Variants in PCDH15 observed in about 807,000 individuals in gnomAD.
PCDH15 encodes the protein protocadherin related 15.
Under a neutral mutation model 178.5 loss-of-function variants are expected in PCDH15, and 129 were observed. The ratio of observed to expected loss-of-function variants is 0.72; its 90% CI spans 0.63 to 0.84. The LOEUF (loss-of-function observed/expected upper bound fraction) is 0.84, where lower values mean the gene tolerates loss of function less well. Among genes scored for constraint, PCDH15 ranks in the 40% least tolerant of loss-of-function variants. The probability of loss-of-function intolerance (pLI) is 0.00; values close to 1 mark genes in which losing one functional copy is unlikely to be tolerated. For missense variants in PCDH15, 2,230 were observed against 2,099.9 expected, an observed-to-expected ratio of 1.06 and a Z score of -1.21; for synonymous variants, 800 against 732.0, an observed-to-expected ratio of 1.09 and a Z score of -1.50.
intron 3 of PCDH15, among the ~76,000 whole-genome samples, chr10:54,823,156 A>G (rs978356203): frequency 3.3e-5 from 5 of 152,204 alleles, no homozygotes; most frequent in African/African-American, 1.2e-4. Flanking sequence ...TGCTGGGATT[A>G]CAGGCGTGAG....
At chr10:54,448,037 A>C (rs2076249324) in intron 3 of PCDH15, among the ~76,000 whole-genome samples, 1 of 151,614 alleles carries the variant, frequency 6.6e-6, no homozygotes, top group Admixed American at 6.6e-5. Context: ...GATTTTATTC[A>C]GTTTTAGAAC....
intron 2 of PCDH15, among the ~76,000 whole-genome samples, chr10:55,056,423 A>G (rs1285507847): frequency 6.6e-6 from 1 of 151,894 alleles, no homozygotes; most frequent in Non-Finnish European, 1.5e-5. Flanking sequence ...TTAAAATCCT[A>G]TTTTAATGAA....
At chr10:54,406,924 T>C (rs1219103778) in intron 3 of PCDH15, among the ~76,000 whole-genome samples, 1 of 152,136 alleles carries the variant, frequency 6.6e-6, no homozygotes, top group Admixed American at 6.6e-5. Flanking sequence ...CTTTTATTCT[T>C]CAAAAGATAC....
intron 3 of PCDH15, 102 bp downstream of exon 3, chr10:54,527,710 T>C (rs2132663274): frequency 1.1e-6 from 1 of 910,074 alleles, no homozygotes; most frequent in Non-Finnish European, 1.6e-6. Context: ...GGATTTGGGT[T>C]GAAACTTTCA....
At chr10:55,365,218 C>T (rs982582213) in intron 2 of PCDH15, among the ~76,000 whole-genome samples, 1 of 152,098 alleles carries the variant, frequency 6.6e-6, no homozygotes, top group African/African-American at 2.4e-5. Context: ...CAGGGACAGA[C>T]TTAACTCATT....
chr10:53,917,836 C>A (rs778914346), intron 25 of PCDH15, among the ~76,000 whole-genome samples: 78 of 152,186 alleles, frequency 5.1e-4, no homozygotes, highest in Non-Finnish European at 7.4e-4. Context: ...GGCTTAGCAC[C>A]ATCTCCTTGG....
chr10:54,204,248 A>G (rs2384414), intron 10 of PCDH15, among the ~76,000 whole-genome samples: 102,691 of 151,888 alleles, frequency 0.68, 36,357 homozygotes, highest in East Asian at 0.87. Flanking sequence ...TGGTTGTGGA[A>G]CATATACATC....
intron 1 of PCDH15, among the ~76,000 whole-genome samples, chr10:55,249,778 T>C (rs1376986059): frequency 6.6e-6 from 1 of 151,986 alleles, no homozygotes; most frequent in African/African-American, 2.4e-5. Flanking sequence ...ATATGTATCA[T>C]ATATATAAAG....
chr10:54,517,917 C>T (rs1344502071), intron 3 of PCDH15, among the ~76,000 whole-genome samples: 1 of 152,176 alleles, frequency 6.6e-6, no homozygotes, highest in East Asian at 1.9e-4. Context: ...TCACTCAAAA[C>T]CACTCGACTA....
At chr10:55,141,584 A>G (rs1838354619) in intron 2 of PCDH15, among the ~76,000 whole-genome samples, 1 of 152,138 alleles carries the variant, frequency 6.6e-6, no homozygotes, top group African/African-American at 2.4e-5. Context: ...AATGCTAGAT[A>G]TCATTATCAT....
At chr10:55,153,219 G>A (rs1378324046) in intron 2 of PCDH15, among the ~76,000 whole-genome samples, 1 of 152,038 alleles carries the variant, frequency 6.6e-6, no homozygotes, top group Non-Finnish European at 1.5e-5. Flanking sequence ...GATAAATGGA[G>A]TAGGATTGAA....
chr10:54,101,046 A>C (rs2094802503), intron 15 of PCDH15, among the ~76,000 whole-genome samples: 1 of 152,084 alleles, frequency 6.6e-6, no homozygotes, highest in Non-Finnish European at 1.5e-5. Context: ...TTTAATTCCC[A>C]CGTGTTGTGG....
At chr10:54,203,566 C>T (rs773431608) in intron 10 of PCDH15, among the ~76,000 whole-genome samples, 26 of 152,074 alleles carry the variant, frequency 1.7e-4, no homozygotes, top group Admixed American at 1.6e-3. Flanking sequence ...AGAATGTACC[C>T]GGAAGGCAGA....
At chr10:55,005,844 A>AAAAAC (rs1338950088) in intron 2 of PCDH15, among the ~76,000 whole-genome samples, 17 of 152,074 alleles carry the variant, frequency 1.1e-4, no homozygotes, top group Non-Finnish European at 1.9e-4. Context: ...ACCCTGAAGC[A>AAAAAC]AAAACAAAAC....
intron 2 of PCDH15, among the ~76,000 whole-genome samples, chr10:55,578,190 T>A (rs961980628): frequency 6.6e-6 from 1 of 151,834 alleles, no homozygotes; most frequent in Admixed American, 6.6e-5. Context: ...GATTATTTTA[T>A]ATTTTATTTT....
intron 25 of PCDH15, among the ~76,000 whole-genome samples, chr10:53,934,157 G>T (rs2085347123): frequency 6.6e-6 from 1 of 152,042 alleles, no homozygotes. Context: ...ATGATGAAAA[G>T]ATAAGAGAAG....
intron 37 of PCDH15, chr10:53,809,623 C>T: frequency 7.2e-7 from 1 of 1,391,054 alleles, no homozygotes; most frequent in South Asian, 1.4e-5. Context: ...GAAAGCTACG[C>T]AGGAATGAAT....
chr10:55,168,189 T>A (rs1839243861), intron 1 of PCDH15, among the ~76,000 whole-genome samples: 1 of 152,120 alleles, frequency 6.6e-6, no homozygotes, highest in African/African-American at 2.4e-5. Flanking sequence ...AAATTATGGA[T>A]GAGGTGTGAT....
intron 3 of PCDH15, among the ~76,000 whole-genome samples, chr10:54,499,868 A>G (rs1450454649): frequency 6.6e-6 from 1 of 152,212 alleles, no homozygotes; most frequent in Non-Finnish European, 1.5e-5. Context: ...CACACAAAAG[A>G]AAAACTACGG....
Sources: allele counts gnomAD v4.1 joint callset (sites outside exome capture counted in the v4.1 genomes callset), GRCh38; gene constraint gnomAD v4.1.1; transcripts MANE v1.5; gene names NCBI Gene and HGNC (gene_info 2026-07-23, HGNC 2026-07-21).